The following MYH13 variants were observed in gnomAD, a reference collection of about 807,000 sequenced individuals.
The protein encoded by MYH13 is myosin-13.
A neutral mutation model predicts 232.1 loss-of-function variants in MYH13; 177 were observed. The ratio of observed to expected loss-of-function variants is 0.76; its 90% confidence interval spans 0.67 to 0.86. The LOEUF is 0.86. Ranked by LOEUF, MYH13 falls within the 40% of genes least tolerant of loss-of-function variation. The pLI is 0.00. For synonymous variants in MYH13, 884 were observed against 923.5 expected (o/e 0.96, Z 0.78); for missense variants, 2,246 against 2,405.9 (o/e 0.93, Z 1.39).
In MYH13 at chr17:10,301,605, G is replaced by T; in HGVS notation, c.5766C>A (p.Asn1922Lys). 6.2e-7 allele frequency: 1 copy of T among 1,614,202 alleles called. No homozygotes were observed. Among genetic ancestry groups the T allele is most frequent in the South Asian group, 1.1e-5 (1 of 91,080 alleles). Residue 1922 changes from asparagine to lysine, a missense_variant, in exon 40 of 41, where the codon AAC becomes AAA. Asn to Lys is a moderately conservative substitution (Grantham distance 94). Coordinates refer to ENST00000252172, the MANE Select transcript of MYH13 (RefSeq NM_003802.3). ...ERADIAESQV[N>K]KLRAKSRDVG... ...CGTCTCGGCTCTTGGCCCTCAGCTT[G>T]TTGACCTGGGACTCAGCGATGTCCG...
intron 22 of MYH13, among the ~76,000 whole-genome samples, chr17:10,326,428 A>C (rs1342993148): frequency 6.6e-6 from 1 of 152,236 alleles, no homozygotes; most frequent in African/African-American, 2.4e-5. Flanking sequence ...TCTGTGAAAG[A>C]GACAATTATA....
rs776597668 is a variant in MYH13, at chr17:10,306,972, G to A, written c.5262C>T (p.Asn1754=). 30 of 1,613,814 alleles carry A rather than the reference G, an allele frequency of 1.9e-5. No homozygotes were observed. The highest frequency in any genetic ancestry group is 5.3e-5 in the African/African-American group (4 of 74,908). The change falls in exon 36 of 41, where the codon AAC becomes AAT. Residue 1754 remains asparagine (N), a synonymous_variant. Coordinates refer to ENST00000252172, the MANE Select transcript of MYH13 (RefSeq NM_003802.3). This position sits in a 1 kb window ranked among gnomAD's most constrained non-coding sequence, Gnocchi z 4.3. ...TGGCCTTCTTGGCCTTCTCCTCTGC[G>A]TTCCTGGACTCCTGGATCGAGTTCT... The part of the protein sequence containing the change: ...EVENSIQESR[N]AEEKAKKAIT...
chr17:10,305,327 T>C (rs1906238854), intron 37 of MYH13, among the ~76,000 whole-genome samples: 1 of 152,142 alleles, frequency 6.6e-6, no homozygotes, highest in South Asian at 2.1e-4. Context: ...CCTAAACTCA[T>C]TGTAGTGGAA....
At position 10,360,152 on chromosome 17, in the gene MYH13, G is replaced by A. The variant is rs776373072; in HGVS notation, c.533+9C>T. 10 of 1,614,092 alleles carry A rather than the reference G, an allele frequency of 6.2e-6. No homozygotes were observed. The highest frequency in any genetic ancestry group is 4.2e-6 in the Non-Finnish European group (5 of 1,179,952). On this transcript the variant is annotated intron_variant, in intron 6 of 40. Transcript: ENST00000252172. ...CCAAGTCATGATGGTACAAAGAGGTGTTACTCACGTGATGAGGATAGACTG... is the reference window on the plus strand; with the variant it reads ...CCAAGTCATGATGGTACAAAGAGGTATTACTCACGTGATGAGGATAGACTG...
At chr17:10,353,965 A>AAGGAAGGAAGGG (rs55978852) in intron 11 of MYH13, among the ~76,000 whole-genome samples, 18 of 146,832 alleles carry the variant, frequency 1.2e-4, no homozygotes, top group Non-Finnish European at 2.4e-4. Context: ...GGAAGGAAGG[A>AAGGAAGGAAGGG]AGGGAAAGAC....
At chr17:10,343,495 T>A (rs2071635691) in intron 16 of MYH13, among the ~76,000 whole-genome samples, 2 of 152,184 alleles carry the variant, frequency 1.3e-5, no homozygotes, top group Admixed American at 1.3e-4. Context: ...CCACCATGCC[T>A]GGCCAAAACC....
At chr17:10,369,938 A>G (rs2071865976) in intron 2 of MYH13, among the ~76,000 whole-genome samples, 1 of 152,210 alleles carries the variant, frequency 6.6e-6, no homozygotes, top group Non-Finnish European at 1.5e-5. Context: ...TTCCTACGTG[A>G]CAACTCTTCA....
At chr17:10,344,247 C>T in intron 15 of MYH13, 138 bp from the exon 16 acceptor site, 1 of 1,311,960 alleles carries the variant, frequency 7.6e-7, no homozygotes, top group Non-Finnish European at 1.0e-6. Context: ...GAGCAAGACT[C>T]TTGGTCTGTT....
Position 10,303,201 on chromosome 17 carries a change from C to A in MYH13, c.5662G>T (p.Glu1888Ter). The A allele has an allele frequency of 1.2e-6, 2 of 1,612,830 alleles. No homozygotes were observed. The highest frequency in any genetic ancestry group is 1.7e-6 in the Non-Finnish European group (2 of 1,179,962). Residue 1888 changes from glutamate to a stop codon, truncating the protein, a stop_gained, in exon 39 of 41, where the codon GAG becomes TAG. Transcript: ENST00000252172. LOFTEE classifies it high-confidence loss of function. Reference sequence around the variant, plus strand: ...CGGGGACCTCCTGTGCTTACCGCCTCCTCAGCCTGCCTCTTGTAAGACTTC... The same window carrying A: ...CGGGGACCTCCTGTGCTTACCGCCTACTCAGCCTGCCTCTTGTAAGACTTC... Reference protein sequence around the residue: ...KVKSYKRQAEEAEEQANTQLS... With the variant: ...KVKSYKRQAE
At position 10,354,750 on chromosome 17, in the gene MYH13, A is replaced by T. The variant is rs1194670788; in HGVS notation, c.935T>A (p.Phe312Tyr). 9.3e-6 allele frequency: 15 copies of T among 1,613,844 alleles called. No individual in the cohort carries two copies. The highest frequency in any genetic ancestry group is 1.2e-5 in the Non-Finnish European group (14 of 1,179,856). ...LLLISTNPFD[F>Y]PFVSQGEVTV... ...GACCTCTCCTTGGCTCACGAAGGGG[A>T]AGTCGAAGGGGTTGGTGGAGATCAG... Residue 312 changes from phenylalanine (F) to tyrosine (Y), a missense_variant, in exon 11 of 41, where the codon TTC becomes TAC. Coordinates refer to ENST00000252172, the MANE Select transcript of MYH13 (RefSeq NM_003802.3).
intron 3 of MYH13, among the ~76,000 whole-genome samples, chr17:10,363,484 G>A (rs2071810233): frequency 6.6e-6 from 1 of 152,060 alleles, no homozygotes. Context: ...AGGAAGGAAA[G>A]GCCTTCCACT....
chr17:10,367,666 A>G (rs1036445729), intron 2 of MYH13, among the ~76,000 whole-genome samples: 4 of 152,196 alleles, frequency 2.6e-5, no homozygotes, highest in Non-Finnish European at 5.9e-5. Flanking sequence ...ATATTTTAAT[A>G]AAAATTACCA....
rs903650408 is a variant in MYH13 at position 10,309,414 on chromosome 17, G to C, written c.4989C>G (p.Asp1663Glu). The change falls in exon 35 of 41, where the codon GAC becomes GAG. Residue 1663 changes from aspartate (D) to glutamate (E), a missense_variant. Coordinates refer to ENST00000252172, the MANE Select transcript of MYH13 (RefSeq NM_003802.3). ...TGAGGTCCTCATTGCTCCTCAGGGC[G>C]TCATCGAGATGCAGCTGGGAGTCCT... ...QLKDSQLHLD[D>E]ALRSNEDLKE... The C allele has an allele frequency of 1.2e-6, 2 of 1,606,276 alleles. No homozygotes were observed. The highest frequency in any genetic ancestry group is 2.7e-5 in the African/African-American group (2 of 74,812).
intron 23 of MYH13, 129 bp from the exon 24 acceptor site, chr17:10,321,837 C>T (rs1906951290): frequency 1.3e-6 from 1 of 742,932 alleles, no homozygotes; most frequent in South Asian, 2.0e-5. Context: ...TTTTTACCTC[C>T]TAGAATTGAC....
chr17:10,306,897 C>T lies in MYH13; in HGVS notation c.5295+42G>A, dbSNP rs964241889. 1 of 1,609,646 alleles carries T rather than the reference C, an allele frequency of 6.2e-7. No individual in the cohort carries two copies. The highest frequency in any genetic ancestry group is 8.5e-7 in the Non-Finnish European group (1 of 1,179,532). On this transcript the variant is annotated intron_variant, in intron 36 of 40. Transcript: ENST00000252172. The surrounding 1 kb of genome is among the most constrained non-coding windows in gnomAD (Gnocchi z 4.3). ...CCCTGGCTCAGAGGCCCCACTTTCTCAGTTCCAAACCCCATCTCTGAAAAG... is the reference window on the plus strand; with the variant it reads ...CCCTGGCTCAGAGGCCCCACTTTCTTAGTTCCAAACCCCATCTCTGAAAAG...
intron 4 of MYH13, 35 bp from the exon 5 acceptor site, chr17:10,362,309 G>A (rs375983767): frequency 1.1e-5 from 17 of 1,613,806 alleles, no homozygotes; most frequent in African/African-American, 2.7e-5. Context: ...TTTGGATCTC[G>A]TTTTTACTCA....
At chr17:10,356,430 AG>A in intron 8 of MYH13, among the ~76,000 whole-genome samples, 3 of 152,322 alleles carry the variant, frequency 2.0e-5, no homozygotes, top group Middle Eastern at 6.8e-3. Flanking sequence ...GAATGAGAAG[AG>A]GGAGTGCCTG....
rs896566245 is a variant in MYH13 at position 10,349,036 on chromosome 17, CTCCCT to C, written c.1144+1515_1144+1519del. 1.4e-4 allele frequency among the ~76,000 whole-genome samples: 21 copies of C among 150,510 alleles called. No homozygotes were observed. The South Asian group carries it at 1.5e-3, about 11-fold the overall frequency. ...CCCTTCCCTTCCTTCTCCCTTCCTTCTCCCTTCCCTTCCCTTCCCTTCCTTTCCCT... is the reference window on the plus strand; with the variant it reads ...CCCTTCCCTTCCTTCTCCCTTCCTTCTCCCTTCCCTTCCCTTCCTTTCCCT... On this transcript the variant is annotated intron_variant, in intron 12 of 40. Coordinates refer to ENST00000252172, the MANE Select transcript of MYH13 (RefSeq NM_003802.3).
In MYH13 at chr17:10,306,562, T is replaced by C; in HGVS notation, c.5363A>G (p.Lys1788Arg). Residue 1788 changes from lysine to arginine, a missense_variant, in exon 37 of 41, where the codon AAG becomes AGG. By Grantham distance (26) the Lys-to-Arg change is conservative. Transcript: ENST00000252172. The surrounding 1 kb of genome is among the most constrained non-coding windows in gnomAD (Gnocchi z 4.3). ...DTSAHLERMK[K>R]NLEQTVKDLQ... ...GTCCTTCACCGTCTGCTCCAGGTTCTTCTTCATCCGCTCCAGGTGGGCGCT... is the reference window on the plus strand; with the variant it reads ...GTCCTTCACCGTCTGCTCCAGGTTCCTCTTCATCCGCTCCAGGTGGGCGCT... 6.2e-7 allele frequency: 1 copy of C among 1,614,176 alleles called. No homozygotes were observed. The highest frequency in any genetic ancestry group is 8.5e-7 in the Non-Finnish European group (1 of 1,180,038).
Sources: allele counts gnomAD v4.1 joint callset (sites outside exome capture counted in the v4.1 genomes callset), GRCh38; gene constraint gnomAD v4.1.1; non-coding constraint Gnocchi (gnomAD v3.1); transcripts MANE v1.5; gene names NCBI Gene and HGNC (gene_info 2026-07-23, HGNC 2026-07-21).